Variants in ZNF717 observed in about 807,000 individuals in gnomAD.
ZNF717 encodes the protein krueppel-like factor X17.
In ZNF717, 9 loss-of-function variants were observed where a neutral mutation model predicts 13.8. That is an observed-to-expected ratio of 0.65 (90% CI 0.39 to 1.14). ZNF717 has a LOEUF of 1.14. Among genes scored for constraint, ZNF717 ranks in the 50% most tolerant of loss-of-function variants. ZNF717 has a pLI of 0.01. For synonymous variants in ZNF717, 327 were observed against 364.1 expected, an observed-to-expected ratio of 0.90 and a Z score of 1.16; for missense variants, 1,040 against 1,080.7, an observed-to-expected ratio of 0.96 and a Z score of 0.53.
At chr3:75,774,262 G>T (rs953147614) in intron 2 of ZNF717, among the ~76,000 whole-genome samples, 5 of 151,196 alleles carry the variant, frequency 3.3e-5, no homozygotes, top group Non-Finnish European at 7.4e-5. Context: ...AATGAGTAAA[G>T]ATTTTTGCCC....
At chr3:75,702,607 C>G (rs1937718070) in intron 6 of ZNF717, among the ~76,000 whole-genome samples, 1 of 152,292 alleles carries the variant, frequency 6.6e-6, no homozygotes, top group Admixed American at 6.5e-5. Context: ...ATTAAAAAAA[C>G]TAAAAGAGTA....
chr3:75,738,443 G>A lies in ZNF717; in HGVS notation c.1180C>T (p.Pro394Ser). ...LHHRTHSGEK[P>S]YQCSECGKTF... ...TTTCCACATTCACTACACTGATAGG[G>A]CTTTTCCCCTGAGTGAGTTCTGTGA... The change falls in exon 5 of 5, where the codon CCC becomes TCC. Residue 394 changes from proline to serine, a missense_variant. Transcript: ENST00000652011. The A allele has an allele frequency of 2.0e-6, 3 of 1,532,054 alleles. No individual in the cohort carries two copies. The South Asian group carries it at 3.6e-5, about 18-fold the overall frequency. The allele number at this position is 1,532,054 out of a possible 1,614,324, so 94.9% of individuals were successfully genotyped here. A position where few individuals can be genotyped will look rare whatever the true frequency, so the allele number is the denominator to read the frequency against.
At chr3:75,704,084 G>A in intron 6 of ZNF717, among the ~76,000 whole-genome samples, 1 of 152,348 alleles carries the variant, frequency 6.6e-6, no homozygotes, top group Non-Finnish European at 1.5e-5. Flanking sequence ...CAATAGCCTT[G>A]ACTTTAGTGA....
chr3:75,737,411 T>C lies in ZNF717; in HGVS notation c.2212A>G (p.Lys738Glu), dbSNP rs1360327149. ...GTGAGGACTGACTTCTGACAAGGTT[T>C]TTCCACATTTGCTACATTCATAGGG... ...RNPMNVANVE[K>E]PCQKSVLTVH... is the part of the protein sequence containing the mutation. Residue 738 changes from lysine to glutamate, a missense_variant, in exon 5 of 5, where the codon AAA (lysine) becomes GAA (glutamate). Physicochemically the swap from Lys to Glu is moderately conservative, Grantham distance 56. Transcript: ENST00000652011. 2.0e-4 allele frequency: 315 copies of C among 1,553,932 alleles called. No individual in the cohort carries two copies. Among genetic ancestry groups the C allele is most frequent in the Non-Finnish European group, 2.6e-4 (297 of 1,148,350 alleles).
At chr3:75,741,978 C>T (rs7536620) in intron 2 of ZNF717, 2 of 504,566 alleles carry the variant, frequency 4.0e-6, no homozygotes. Flanking sequence ...ATGTATTTTA[C>T]ATAAGATGTA....
At chr3:75,743,474 T>C (rs1238471207) in intron 2 of ZNF717, among the ~76,000 whole-genome samples, 3 of 152,230 alleles carry the variant, frequency 2.0e-5, no homozygotes, top group African/African-American at 7.2e-5. Flanking sequence ...AAAATTGCTG[T>C]ATCCACCCAG....
chr3:75,719,736 C>T (rs74734099), intron 4 of ZNF717, among the ~76,000 whole-genome samples: 1 of 152,046 alleles, frequency 6.6e-6, no homozygotes. Context: ...GCAGGTGGAT[C>T]GCCTGAAGTC....
In ZNF717 at chr3:75,738,276, T is replaced by G. The variant is rs76082496; in HGVS notation, c.1347A>C (p.Lys449Asn). 1 of 1,552,714 alleles carries G rather than the reference T, an allele frequency of 6.4e-7. No homozygotes were observed. The highest frequency in any genetic ancestry group is 8.7e-7 in the Non-Finnish European group (1 of 1,145,942). Residue 449 changes from lysine to asparagine, a missense_variant, in exon 5 of 5, where the codon AAA (lysine) becomes AAC (asparagine). Around this residue, in one of 3 missense-constraint regions of ZNF717, gnomAD observed 873 missense variants for 832.8 expected, o/e 1.05. Transcript: ENST00000652011. ...TTCCACACTCATTACATTCATACGG[T>G]TTTTCCCCTGTGTGTGTTCTCTGAT... ...TVHQRTHTGE[K>N]PYECNECGKP...
exon 6 of ZNF717, chr3:75,710,945 G>C (rs1937925698): frequency 6.6e-6 from 1 of 152,078 alleles, no homozygotes; most frequent in Non-Finnish European, 1.5e-5. Context: ...AAAACCTCTT[G>C]AGGCCAAAGC....
At chr3:75,769,352 C>T (rs979297745) in intron 2 of ZNF717, among the ~76,000 whole-genome samples, 4 of 151,962 alleles carry the variant, frequency 2.6e-5, no homozygotes, top group African/African-American at 9.7e-5. Flanking sequence ...CGTCCCCAGC[C>T]ACTAGAGTCC....
chr3:75,723,103 T>C, intron 4 of ZNF717, among the ~76,000 whole-genome samples: 1 of 152,220 alleles, frequency 6.6e-6, no homozygotes, highest in Non-Finnish European at 1.5e-5. Context: ...TCAGTAATAT[T>C]GCCCTTGATC....
intron 2 of ZNF717, among the ~76,000 whole-genome samples, chr3:75,748,964 G>A (rs1299256938): frequency 5.3e-5 from 8 of 151,296 alleles, no homozygotes; most frequent in Non-Finnish European, 1.5e-5. Context: ...GCTGTGGTCC[G>A]AGTGTTTGTC....
chr3:75,704,443 C>A (rs1480476005), intron 6 of ZNF717, among the ~76,000 whole-genome samples: 1 of 152,248 alleles, frequency 6.6e-6, no homozygotes, highest in Admixed American at 6.5e-5. Flanking sequence ...CTTTTAGAGT[C>A]GTGAAGCCAT....
chr3:75,738,666 C>T lies in ZNF717; in HGVS notation c.957G>A (p.Leu319=). The change falls in exon 5 of 5, where the codon TTG becomes TTA. Residue 319 remains leucine, a synonymous_variant. Transcript: ENST00000652011. ...TAATGAGGCTGGACTTATAGCTGAACAATTTTTCACACCAGTTACAGGCAT... is the reference window on the plus strand; with the variant it reads ...TAATGAGGCTGGACTTATAGCTGAATAATTTTTCACACCAGTTACAGGCAT... The part of the protein sequence containing the change: ...KPYACNWCEK[L]FSYKSSLIIH... 8.4e-6 allele frequency: 13 copies of T among 1,551,692 alleles called. No homozygotes were observed. The highest frequency in any genetic ancestry group is 1.1e-5 in the Non-Finnish European group (13 of 1,146,976).
chr3:75,768,851 GCCA>G (rs1192760075), intron 2 of ZNF717, among the ~76,000 whole-genome samples: 2 of 150,794 alleles, frequency 1.3e-5, no homozygotes, highest in East Asian at 2.0e-4. Context: ...CAGATGACAG[GCCA>G]CCACAACCTG....
chr3:75,754,216 T>C (rs1942261645), intron 2 of ZNF717, among the ~76,000 whole-genome samples: 1 of 152,218 alleles, frequency 6.6e-6, no homozygotes, highest in Non-Finnish European at 1.5e-5. Flanking sequence ...TATAGCCACC[T>C]AAAGAGAAGA....
At chr3:75,743,442 A>G (rs1202463230) in intron 2 of ZNF717, among the ~76,000 whole-genome samples, 8 of 151,908 alleles carry the variant, frequency 5.3e-5, no homozygotes, top group Non-Finnish European at 1.2e-4. Context: ...TGGCATTTCA[A>G]AATTTCCTTT....
intron 5 of ZNF717, among the ~76,000 whole-genome samples, chr3:75,714,580 C>G (rs1938009267): frequency 6.6e-6 from 1 of 151,998 alleles, no homozygotes; most frequent in African/African-American, 2.4e-5. Flanking sequence ...TACACTGGAA[C>G]AGCTCTTGCC....
At position 75,738,687 on chromosome 3, in the gene ZNF717, G is replaced by C; in HGVS notation, c.936C>G (p.Ala312=). The change falls in exon 5 of 5, where the codon GCC becomes GCG. Residue 312 remains alanine (A), a synonymous_variant. Transcript: ENST00000652011. ...CKMPTEEKPY[A]CNWCEKLFSY... is the part of the protein sequence containing the mutation. ...TGAACAATTTTTCACACCAGTTACA[G>C]GCATAAGGTTTTTCCTCAGTAGGCA... is the stretch of plus-strand genomic sequence containing the variant. 2.6e-6 allele frequency: 4 copies of C among 1,551,886 alleles called. No homozygotes were observed. The highest frequency in any genetic ancestry group is 3.5e-6 in the Non-Finnish European group (4 of 1,147,158).
Sources: gnomAD v4.1 joint callset for allele counts (sites outside exome capture counted in the v4.1 genomes callset) on GRCh38, gnomAD v4.1.1 for gene constraint, gnomAD v4.1.1 regional missense constraint, MANE v1.5 for transcripts, NCBI Gene and HGNC (gene_info 2026-07-23, HGNC 2026-07-21) for gene names.